Variants in ZNF544 observed in about 807,000 individuals in gnomAD.
ZNF544 encodes the protein zinc finger protein 544.
Under a neutral mutation model 13.5 loss-of-function variants are expected in ZNF544, and 10 were observed. That is an observed-to-expected ratio of 0.74 (90% CI 0.46 to 1.25). The LOEUF (loss-of-function observed/expected upper bound fraction) is 1.25. ZNF544 is among the 50% of genes most tolerant of loss of function. The pLI, the probability that ZNF544 is intolerant of heterozygous loss-of-function variation, is 0.00. For missense variants in ZNF544, 896 were observed against 845.6 expected (o/e 1.06, Z -0.74); for synonymous variants, 323 against 300.5 (o/e 1.07, Z -0.77).
intron 4 of ZNF544, 141 bp downstream of exon 4, chr19:58,244,197 C>T (rs997815738): frequency 7.6e-6 from 5 of 655,200 alleles, no homozygotes; most frequent in Non-Finnish European, 1.0e-5. Context: ...TGCTCCAGCT[C>T]CCTGCAGTAA....
chr19:58,248,239 C>G (rs558370525), intron 6 of ZNF544, among the ~76,000 whole-genome samples: 1 of 149,156 alleles, frequency 6.7e-6, no homozygotes, highest in East Asian at 2.0e-4. Context: ...ACCCAAAGTC[C>G]ATAGTTTATG....
chr19:58,258,417 G>T (rs2048067698), intron 6 of ZNF544: 1 of 61,752 alleles, frequency 1.6e-5, no homozygotes, highest in African/African-American at 5.7e-5. Context: ...AGGTGTGAGG[G>T]TGCTGGTTGC....
At chr19:58,275,783 C>CAAAAAAAA (rs57148438) in intron 5 of ZNF544, among the ~76,000 whole-genome samples, 1,551 of 65,672 alleles carry the variant, frequency 0.024, 90 homozygotes, top group Non-Finnish European at 0.03. Context: ...GACCCTGTCT[C>CAAAAAAAA]AAAAAAAAAA....
chr19:58,230,913 G>A lies in ZNF544; in HGVS notation c.-60+451G>A, dbSNP rs373480115. Among the ~76,000 whole-genome samples the A allele has an allele frequency of 2.6e-5, 4 of 152,290 alleles. No homozygotes were observed. The South Asian group carries it at 8.3e-4, about 32-fold the overall frequency. ...TGCCAGGAGGTTGAAAGAGTCCAGA[G>A]TCATCCCTTGGAGTGAATTAAAAGG... On this transcript the variant is annotated intron_variant, in intron 3 of 6. Transcript: ENST00000687789.
At chr19:58,233,522 C>T (rs896199812) in intron 3 of ZNF544, among the ~76,000 whole-genome samples, 5 of 152,096 alleles carry the variant, frequency 3.3e-5, no homozygotes, top group African/African-American at 1.2e-4. Context: ...ATCAGGAAGA[C>T]AAAATAGAGT....
At chr19:58,242,135 C>A in intron 3 of ZNF544, 1 of 677,186 alleles carries the variant, frequency 1.5e-6, no homozygotes, top group Non-Finnish European at 1.8e-6. Flanking sequence ...AAGAGATTGC[C>A]TGGGAAATGA....
At position 58,246,736 on chromosome 19, in the gene ZNF544, G is replaced by C; in HGVS notation, c.186G>C (p.Val62=). The C allele has an allele frequency of 6.2e-7, 1 of 1,614,142 alleles. No individual in the cohort carries two copies. The highest frequency in any genetic ancestry group is 8.5e-7 in the Non-Finnish European group (1 of 1,179,996). Residue 62 remains valine (V), a synonymous_variant, in exon 6 of 7, where the codon GTG becomes GTC. Transcript: ENST00000687789. ...SLGLFLSKSD[V]ISQLEQEEDL... Reference sequence around the variant, plus strand: ...GGCTTTTCCTTTCCAAATCTGATGTGATCTCTCAGCTGGAGCAAGAAGAGG... The same window carrying C: ...GGCTTTTCCTTTCCAAATCTGATGTCATCTCTCAGCTGGAGCAAGAAGAGG...
chr19:58,277,130 A>C lies in ZNF544; in HGVS notation c.352-53A>C, dbSNP rs974983747. On this transcript the variant is annotated intron_variant, in intron 6 of 6. Transcript: ENST00000595981. ...GCCTAGAGCAGGAGCTCAGTCCAAA[A>C]CCATGTCCTCTCATAATTTTGTGTA... The C allele has an allele frequency of 2.0e-4, 240 of 1,218,384 alleles. 1 individual carries two copies. In the South Asian group the frequency reaches 2.3e-3, roughly 12 times the overall value. 75.5% of individuals were successfully genotyped at this position (1,218,384 alleles called of 1,614,324 possible).
rs1011474187 is a variant in ZNF544, at chr19:58,262,258, T to C, written c.1652T>C (p.Ile551Thr). 35 of 1,613,770 alleles carry C rather than the reference T, an allele frequency of 2.2e-5. No individual in the cohort carries two copies. Among genetic ancestry groups the C allele is most frequent in the Middle Eastern group, 1.6e-4 (1 of 6,080 alleles). The change falls in exon 7 of 7, where the codon ATT (isoleucine) becomes ACT (threonine). Residue 551 changes from isoleucine (I) to threonine (T), a missense_variant. Physicochemically the swap from Ile to Thr is moderately conservative, Grantham distance 89. Coordinates refer to ENST00000687789, the MANE Select transcript of ZNF544 (RefSeq NM_014480.4). ...IHTGEKPYQC[I>T]ECGKSFRWNS... ...ACTGGAGAAAAACCGTATCAGTGTA[T>C]TGAATGTGGGAAATCCTTCAGATGG...
At chr19:58,270,670 A>G (rs547703515) in intron 5 of ZNF544, among the ~76,000 whole-genome samples, 1 of 152,300 alleles carries the variant, frequency 6.6e-6, no homozygotes, top group East Asian at 1.9e-4. Flanking sequence ...GCCGTAGGGT[A>G]GGGCACTGTT....
intron 6 of ZNF544, among the ~76,000 whole-genome samples, chr19:58,276,591 C>CT (rs1050242918): frequency 9.9e-5 from 15 of 152,218 alleles, no homozygotes; most frequent in African/African-American, 3.6e-4. Flanking sequence ...CCTCAGCCTC[C>CT]TGAGTATCTG....
At chr19:58,274,779 A>G (rs2051090843) in intron 5 of ZNF544, among the ~76,000 whole-genome samples, 1 of 152,158 alleles carries the variant, frequency 6.6e-6, no homozygotes, top group Non-Finnish European at 1.5e-5. Context: ...TTGAGTTCCC[A>G]TAGCTCCATG....
At chr19:58,267,005 C>T (rs368551823), downstream of ZNF544, 11 of 152,322 alleles carry the variant, frequency 7.2e-5, no homozygotes, top group African/African-American at 2.6e-4. Context: ...AAGATAAAGT[C>T]TCCATCATGA....
At chr19:58,273,669 G>A (rs560705348) in intron 5 of ZNF544, among the ~76,000 whole-genome samples, 4 of 144,594 alleles carry the variant, frequency 2.8e-5, no homozygotes, top group South Asian at 2.2e-4. Context: ...CAGCCTGGGC[G>A]ACAGAGTGAG....
chr19:58,237,547 C>T (rs1056694899), intron 3 of ZNF544, among the ~76,000 whole-genome samples: 6 of 152,242 alleles, frequency 3.9e-5, no homozygotes, highest in Non-Finnish European at 7.3e-5. Flanking sequence ...CACGGGCTGA[C>T]GGAGCCAGAC....
rs998213628 is a variant in ZNF544 at position 58,260,723 on chromosome 19, C to T, written c.245-128C>T. ...ATCCCTCCCTTTCACAGCCTGCATA[C>T]GGATTACAGTTTGTAGTTTGGAAAC... On this transcript the variant is annotated intron_variant, in intron 6 of 6. Transcript: ENST00000687789. The T allele has an allele frequency of 4.3e-5, 37 of 858,916 alleles. 2 individuals carry two copies. The East Asian group carries it at 5.9e-4, about 14-fold the overall frequency. 53.2% of individuals were successfully genotyped at this position (858,916 alleles called of 1,614,324 possible).
intron 3 of ZNF544, among the ~76,000 whole-genome samples, chr19:58,236,895 C>T (rs147617207): frequency 0.013 from 1,985 of 151,762 alleles, 37 homozygotes; most frequent in African/African-American, 0.046. Context: ...GTGCGCGCCA[C>T]CATGCCCAGC....
intron 6 of ZNF544, 183 bp from the exon 7 acceptor site, chr19:58,260,668 C>T (rs751496418): frequency 1.7e-6 from 1 of 581,362 alleles, no homozygotes. Context: ...GTATTTTGCA[C>T]TTTACCACTG....
chr19:58,257,851 T>C (rs2047875941), intron 6 of ZNF544: 1 of 152,238 alleles, frequency 6.6e-6, no homozygotes, highest in Non-Finnish European at 1.5e-5. Flanking sequence ...ATCGTGTGTA[T>C]CTTCATACCA....
Sources: allele counts gnomAD v4.1 joint callset (sites outside exome capture counted in the v4.1 genomes callset), GRCh38; gene constraint gnomAD v4.1.1; transcripts MANE v1.5; gene names NCBI Gene and HGNC (gene_info 2026-07-23, HGNC 2026-07-21).